The following OTOGL variants were observed in gnomAD, a reference collection of about 807,000 sequenced individuals.
OTOGL encodes the protein otogelin like.
In OTOGL, 285 loss-of-function variants were observed where a neutral mutation model predicts 318.5. That is an observed-to-expected ratio of 0.89 (90% confidence interval 0.81 to 0.99). The LOEUF (loss-of-function observed/expected upper bound fraction) is 0.99, where lower values mean the gene tolerates loss of function less well. OTOGL is among the 50% of genes least tolerant of loss of function. OTOGL has a pLI of 0.00. For synonymous variants in OTOGL, 987 were observed against 936.5 expected, an observed-to-expected ratio of 1.05 and a Z score of -0.99; for missense variants, 2,899 against 2,845.6, an observed-to-expected ratio of 1.02 and a Z score of -0.43.
chr12:80,179,285 G>T (rs1254195207), intron 1 of OTOGL, among the ~76,000 whole-genome samples: 6 of 152,086 alleles, frequency 3.9e-5, no homozygotes, highest in Non-Finnish European at 8.8e-5. Context: ...ATAGAGTCAG[G>T]CTCTTAATTA....
intron 29 of OTOGL, among the ~76,000 whole-genome samples, chr12:80,306,413 T>C (rs1197665316): frequency 2.0e-5 from 3 of 152,256 alleles, no homozygotes; most frequent in Non-Finnish European, 4.4e-5. Flanking sequence ...TTCTTTCCTC[T>C]ACTTTCTTTT....
intron 26 of OTOGL, among the ~76,000 whole-genome samples, chr12:80,285,792 T>C (rs1447396230): frequency 2.0e-5 from 3 of 152,200 alleles, no homozygotes; most frequent in African/African-American, 7.2e-5. Flanking sequence ...TGGGATTTTC[T>C]AAATATACAA....
chr12:80,135,355 C>A (rs1333702756), intron 1 of OTOGL, among the ~76,000 whole-genome samples: 2 of 147,756 alleles, frequency 1.4e-5, no homozygotes, highest in Non-Finnish European at 3.0e-5. Context: ...TCATTGTAAC[C>A]TCTGCTTCCC....
At chr12:80,319,663 C>T (rs759640574) in intron 33 of OTOGL, among the ~76,000 whole-genome samples, 22 of 151,970 alleles carry the variant, frequency 1.4e-4, no homozygotes, top group African/African-American at 4.1e-4. Context: ...CTTGATTTTA[C>T]GATTAGTAAT....
chr12:80,355,972 T>C (rs1424233354), intron 47 of OTOGL, 24 bp downstream of exon 47: 1 of 1,595,444 alleles, frequency 6.3e-7, no homozygotes, highest in Non-Finnish European at 8.6e-7. Context: ...AGCCTTATAG[T>C]CAATTGATTC....
chr12:80,104,623 G>A (rs1262286554), intron 1 of OTOGL, among the ~76,000 whole-genome samples: 1 of 152,076 alleles, frequency 6.6e-6, no homozygotes, highest in Non-Finnish European at 1.5e-5. Flanking sequence ...TCAGGGGGGT[G>A]AGAGCAGTGT....
At chr12:80,149,493 A>C (rs1292331631) in intron 1 of OTOGL, among the ~76,000 whole-genome samples, 1 of 152,168 alleles carries the variant, frequency 6.6e-6, no homozygotes. Flanking sequence ...GGGACATTTA[A>C]GTCTGCAGAG....
intron 1 of OTOGL, among the ~76,000 whole-genome samples, chr12:80,110,128 C>T (rs575719417): frequency 7.0e-6 from 1 of 142,882 alleles, no homozygotes; most frequent in South Asian, 2.2e-4. Context: ...AGTGCAGTGG[C>T]ACCATCTCGG....
rs186228870 is a variant in OTOGL, at chr12:80,148,841, C to T, written c.-20+49236C>T. Among the ~76,000 whole-genome samples, 1,049 of 152,288 alleles carry T rather than the reference C, an allele frequency of 6.9e-3. 15 individuals are homozygous for T. Among genetic ancestry groups the T allele is most frequent in the African/African-American group, 0.021 (892 of 41,564 alleles). The stretch of plus-strand genomic sequence containing the variant: ...GCTGATACCCTTTCTTCCAGTTGAT[C>T]GCATCAGCTCCTGAGGCTTCTGCAT... On this transcript the variant is annotated intron_variant, in intron 1 of 58. Coordinates refer to ENST00000547103, the MANE Select transcript of OTOGL (RefSeq NM_001378609.3).
At chr12:80,144,167 T>A (rs1415801189) in intron 1 of OTOGL, among the ~76,000 whole-genome samples, 1 of 152,104 alleles carries the variant, frequency 6.6e-6, no homozygotes, top group African/African-American at 2.4e-5. Flanking sequence ...TAACTCGTCA[T>A]CTAGCATTAG....
At chr12:80,101,811 T>C (rs1014601052) in intron 1 of OTOGL, among the ~76,000 whole-genome samples, 1 of 152,188 alleles carries the variant, frequency 6.6e-6, no homozygotes, top group African/African-American at 2.4e-5. Flanking sequence ...GCCCACACCA[T>C]ACCTGTAAAG....
chr12:80,103,025 C>A, intron 1 of OTOGL: 1 of 1,044,302 alleles, frequency 9.6e-7, no homozygotes, highest in South Asian at 1.3e-5. Context: ...TGATAACCAC[C>A]TTGCTGGAGT....
chr12:80,289,357 T>C (rs1884869259), intron 26 of OTOGL, among the ~76,000 whole-genome samples: 1 of 152,148 alleles, frequency 6.6e-6, no homozygotes, highest in Non-Finnish European at 1.5e-5. Flanking sequence ...TGTCTCCCAG[T>C]CAGGAGGCAC....
chr12:80,285,786 A>AT (rs991551000), intron 26 of OTOGL, among the ~76,000 whole-genome samples: 15 of 151,878 alleles, frequency 9.9e-5, no homozygotes, highest in Non-Finnish European at 1.8e-4. Context: ...AGATGATGGG[A>AT]TTTTCTAAAT....
At chr12:80,253,440 T>G in intron 13 of OTOGL, 26 bp from the exon 14 acceptor site, 1 of 1,559,476 alleles carries the variant, frequency 6.4e-7, no homozygotes, top group Non-Finnish European at 8.8e-7. Context: ...CTTTTGAAAT[T>G]TTGATGTGTA....
chr12:80,207,429 T>G (rs1876894193), intron 1 of OTOGL, among the ~76,000 whole-genome samples: 1 of 152,062 alleles, frequency 6.6e-6, no homozygotes, highest in South Asian at 2.1e-4. Flanking sequence ...GGTCTCAAAC[T>G]CCCGACCTCA....
chr12:80,197,648 A>T (rs1381975973), intron 1 of OTOGL, among the ~76,000 whole-genome samples: 1 of 152,208 alleles, frequency 6.6e-6, no homozygotes, highest in Non-Finnish European at 1.5e-5. Context: ...AGGCCCTCTT[A>T]CAGCTCTGAA....
chr12:80,222,530 C>T (rs980384396), intron 7 of OTOGL, among the ~76,000 whole-genome samples: 2 of 152,196 alleles, frequency 1.3e-5, no homozygotes. Flanking sequence ...TAAGCACAGG[C>T]TATCGGATGT....
At chr12:80,186,856 A>G (rs1172209768) in intron 1 of OTOGL, among the ~76,000 whole-genome samples, 2 of 152,148 alleles carry the variant, frequency 1.3e-5, no homozygotes, top group East Asian at 3.9e-4. Flanking sequence ...AAGATAGCAC[A>G]GAGTCCAAAG....
Sources: allele counts gnomAD v4.1 joint callset (sites outside exome capture counted in the v4.1 genomes callset), GRCh38; gene constraint gnomAD v4.1.1; transcripts MANE v1.5; gene names NCBI Gene and HGNC (gene_info 2026-07-23, HGNC 2026-07-21).